RMST: variants seen among roughly 807,000 people sequenced by gnomAD.
RMST encodes the protein long intergenic non-protein coding RNA 54.
rs186606684 is a variant in RMST at position 97,491,537 on chromosome 12, A to G, written n.645-924A>G. The G allele has an allele frequency of 1.6e-4, 27 of 171,526 alleles. 1 individual carries two copies. Among genetic ancestry groups the G allele is most frequent in the East Asian group, 1.1e-3 (8 of 7,526 alleles). The allele number at this position is 171,526 out of a possible 1,614,324, so 10.6% of individuals were successfully genotyped here. A position where few individuals can be genotyped will look rare whatever the true frequency, so the allele number is the denominator to read the frequency against. Reference sequence around the variant, plus strand: ...CACAATCATCTTTTTAATTATTTAAACTCTGTGGATTTCTCTATTAATATA... The same window carrying G: ...CACAATCATCTTTTTAATTATTTAAGCTCTGTGGATTTCTCTATTAATATA... On this transcript the variant is annotated intron_variant and non_coding_transcript_variant, in intron 5 of 13. Coordinates refer to ENST00000640149, the Ensembl canonical transcript of RMST.
At chr12:97,563,575 T>C (rs1018794350) in intron 13 of RMST, 3 of 328,498 alleles carry the variant, frequency 9.1e-6, no homozygotes, top group Admixed American at 4.5e-5. Context: ...TGTCCTTTGT[T>C]TTTGGTGAAT....
intron 10 of RMST, among the ~76,000 whole-genome samples, chr12:97,530,065 T>C (rs1369272473): frequency 6.6e-6 from 1 of 152,092 alleles, no homozygotes; most frequent in Non-Finnish European, 1.5e-5. Flanking sequence ...TTTCACAATG[T>C]CAGAATACTG....
intron 5 of RMST, among the ~76,000 whole-genome samples, chr12:97,479,790 C>T (rs1228656457): frequency 1.3e-5 from 2 of 152,288 alleles, no homozygotes; most frequent in East Asian, 3.9e-4. Flanking sequence ...TGTAGCTACT[C>T]AGACATTTTA....
At chr12:97,563,015 C>T (rs1884241771) in intron 13 of RMST, among the ~76,000 whole-genome samples, 1 of 152,134 alleles carries the variant, frequency 6.6e-6, no homozygotes, top group African/African-American at 2.4e-5. Context: ...CCAGATAAAA[C>T]CATTGGGATT....
At chr12:97,544,333 G>T (rs1015187957) in intron 11 of RMST, among the ~76,000 whole-genome samples, 5 of 152,106 alleles carry the variant, frequency 3.3e-5, no homozygotes, top group Admixed American at 3.3e-4. Context: ...TGCCTGCCCA[G>T]TTGGGTTTGG....
chr12:97,495,422 GA>G (rs1450900378), intron 9 of RMST, among the ~76,000 whole-genome samples: 1 of 152,104 alleles, frequency 6.6e-6, no homozygotes, highest in Non-Finnish European at 1.5e-5. Context: ...TGGAGAAGCT[GA>G]ACATAAGTAA....
chr12:97,491,775 G>A, intron 5 of RMST: 3 of 338,594 alleles, frequency 8.9e-6, no homozygotes, highest in South Asian at 7.1e-5. Flanking sequence ...TGACTACCAT[G>A]TCAATAGATT....
At chr12:97,510,270 C>CA (rs1879140081) in intron 10 of RMST, among the ~76,000 whole-genome samples, 1 of 151,892 alleles carries the variant, frequency 6.6e-6, no homozygotes. Flanking sequence ...TCTGAGGTGC[C>CA]AACAATAGAT....
intron 11 of RMST, among the ~76,000 whole-genome samples, chr12:97,542,302 CT>C (rs1011146188): frequency 4.0e-5 from 6 of 151,854 alleles, no homozygotes; most frequent in African/African-American, 1.2e-4. Context: ...TATTATGCTT[CT>C]CCACTCAAGG....
intron 11 of RMST, among the ~76,000 whole-genome samples, chr12:97,558,307 G>A (rs895538721): frequency 6.6e-6 from 1 of 152,128 alleles, no homozygotes; most frequent in Admixed American, 6.6e-5. Context: ...CTGGCCGATG[G>A]CTTATTTATC....
At chr12:97,471,023 T>C (rs1873845498) in intron 5 of RMST, among the ~76,000 whole-genome samples, 1 of 152,116 alleles carries the variant, frequency 6.6e-6, no homozygotes, top group South Asian at 2.1e-4. Flanking sequence ...TGCAAAGGTG[T>C]AGCCTCGAAA....
intron 5 of RMST, among the ~76,000 whole-genome samples, chr12:97,466,979 G>A (rs931720359): frequency 6.6e-6 from 1 of 151,990 alleles, no homozygotes; most frequent in African/African-American, 2.4e-5. Flanking sequence ...TGATATGATA[G>A]TTTGTAGTTT....
At chr12:97,551,930 G>A (rs1433843489) in intron 11 of RMST, 1 of 152,128 alleles carries the variant, frequency 6.6e-6, no homozygotes, top group Non-Finnish European at 1.5e-5. Context: ...AGGACAGCTA[G>A]CTACCCAGAA....
chr12:97,496,990 A>G (rs1002029933), intron 10 of RMST, among the ~76,000 whole-genome samples: 1 of 152,166 alleles, frequency 6.6e-6, no homozygotes, highest in Non-Finnish European at 1.5e-5. Context: ...GAATGAATCA[A>G]AAAGTTCCTC....
chr12:97,482,754 A>ATTTATTAG (rs1875551886), intron 5 of RMST, among the ~76,000 whole-genome samples: 1 of 39,676 alleles, frequency 2.5e-5, no homozygotes, highest in Non-Finnish European at 7.3e-5. Flanking sequence ...TTATTTATTA[A>ATTTATTAG]ATAAATTTAT....
At position 97,556,114 on chromosome 12, in the gene RMST, G is replaced by A. The variant is rs1324997638; in HGVS notation, n.1546-4423G>A. On this transcript the variant is annotated intron_variant and non_coding_transcript_variant, in intron 11 of 13. Transcript: ENST00000640149. ...TTAGTGGACATGTTGTCTTTGAGAA[G>A]CCCTGGTTGAACTTAATTAGCTTTT... Among the ~76,000 whole-genome samples, 6 of 152,250 alleles carry A rather than the reference G, an allele frequency of 3.9e-5. No homozygotes were observed. In the East Asian group the frequency reaches 1.2e-3, roughly 29 times the overall value.
chr12:97,539,756 C>G (rs901661911), intron 11 of RMST, among the ~76,000 whole-genome samples: 3 of 151,558 alleles, frequency 2.0e-5, no homozygotes, highest in Non-Finnish European at 4.4e-5. Flanking sequence ...CAAATCGGAA[C>G]CAGGGTTATG....
chr12:97,470,572 G>T (rs1873797232), intron 5 of RMST, among the ~76,000 whole-genome samples: 1 of 151,976 alleles, frequency 6.6e-6, no homozygotes, highest in Non-Finnish European at 1.5e-5. Flanking sequence ...TATCATTAAG[G>T]AATATATTAA....
chr12:97,551,685 A>G (rs993946904), intron 11 of RMST: 1 of 152,162 alleles, frequency 6.6e-6, no homozygotes, highest in Non-Finnish European at 1.5e-5. Context: ...CTATATGCTA[A>G]TATGTTTTAT....
Sources: gnomAD v4.1 joint callset for allele counts (sites outside exome capture counted in the v4.1 genomes callset) on GRCh38, gnomAD v4.1.1 for gene constraint, MANE v1.5 for transcripts, NCBI Gene and HGNC (gene_info 2026-07-23, HGNC 2026-07-21) for gene names.